Variants in NLRC5 observed in about 807,000 individuals in gnomAD.
The protein encoded by NLRC5 is protein NLRC5.
Under a neutral mutation model 206.9 loss-of-function variants are expected in NLRC5, and 114 were observed. The observed-to-expected ratio is 0.55, with a 90% CI of 0.47 to 0.64. The LOEUF (loss-of-function observed/expected upper bound fraction) is 0.64, where lower values mean the gene tolerates loss of function less well. NLRC5 is among the 30% of genes least tolerant of loss of function. The pLI, the probability that NLRC5 is intolerant of heterozygous loss-of-function variation, is 0.00. For synonymous variants in NLRC5, 952 were observed against 962.8 expected (o/e 0.99, Z 0.21); for missense variants, 2,008 against 2,305.5 (o/e 0.87, Z 2.64).
chr16:57,007,912 T>G (rs919117467), intron 1 of NLRC5, among the ~76,000 whole-genome samples: 1 of 152,242 alleles, frequency 6.6e-6, no homozygotes, highest in Non-Finnish European at 1.5e-5. Flanking sequence ...TTGTCTGTGA[T>G]GCAGATATTT....
chr16:57,025,089 T>C lies in NLRC5; in HGVS notation c.425-279T>C, dbSNP rs139188971. On this transcript the variant is annotated intron_variant, in intron 5 of 48. Coordinates refer to ENST00000688547, the MANE Select transcript of NLRC5 (RefSeq NM_001384950.1). ...CATCTTACTGAACCCTTACACCACG[T>C]GTACTATTGCAGAATGGATAGAACC... Among the ~76,000 whole-genome samples the C allele has an allele frequency of 3.8e-3, 581 of 152,282 alleles. 3 individuals carry two copies. The highest frequency in any genetic ancestry group is 0.014 in the African/African-American group (563 of 41,550).
intron 23 of NLRC5, among the ~76,000 whole-genome samples, chr16:57,049,720 C>T (rs1316697664): frequency 6.7e-6 from 1 of 150,128 alleles, no homozygotes; most frequent in African/African-American, 2.5e-5. Context: ...GGCAACAGAG[C>T]AAGACTCTGT....
intron 8 of NLRC5, among the ~76,000 whole-genome samples, chr16:57,029,512 G>A (rs2061574170): frequency 6.6e-6 from 1 of 152,178 alleles, no homozygotes; most frequent in Admixed American, 6.5e-5. Context: ...CTCATGAAGA[G>A]GCCGTCAGTC....
intron 14 of NLRC5, 137 bp downstream of exon 14, chr16:57,036,320 G>A (rs1365594012): frequency 3.9e-6 from 3 of 774,768 alleles, no homozygotes; most frequent in Non-Finnish European, 4.3e-6. Context: ...AAGTCAAGAT[G>A]GTTTGACCAT....
At chr16:57,007,089 A>C (rs971598211) in intron 1 of NLRC5, among the ~76,000 whole-genome samples, 1 of 152,272 alleles carries the variant, frequency 6.6e-6, no homozygotes, top group South Asian at 2.1e-4. Flanking sequence ...CACATTAAAA[A>C]GTTTGAATGG....
chr16:57,077,946 T>C lies in NLRC5; in HGVS notation c.5007T>C (p.Leu1669=). 6.2e-7 allele frequency: 1 copy of C among 1,613,354 alleles called. No homozygotes were observed. Among genetic ancestry groups the C allele is most frequent in the Non-Finnish European group, 8.5e-7 (1 of 1,179,632 alleles). The part of the protein sequence containing the change: ...VLCRRLEELM[L]GCNALGDPTA... ...GCTCATTCCTCTCCTCTTCCAGGCT[T>C]GGCTGCAATGCCCTGGGGGATCCCA... Residue 1669 remains leucine, a synonymous_variant, in exon 43 of 49, where the codon CTT becomes CTC. Transcript: ENST00000688547.
intron 47 of NLRC5, 136 bp downstream of exon 47, chr16:57,081,317 C>A: frequency 1.0e-6 from 1 of 962,024 alleles, no homozygotes; most frequent in South Asian, 1.6e-5. Context: ...TGTTCCAAGC[C>A]CCTGCCAGGC....
chr16:56,993,515 T>G (rs968569818), intron 1 of NLRC5, among the ~76,000 whole-genome samples: 1 of 152,232 alleles, frequency 6.6e-6, no homozygotes, highest in Non-Finnish European at 1.5e-5. Flanking sequence ...AAGGGGAATA[T>G]GCAGTTTGAA....
At position 57,029,965 on chromosome 16, in the gene NLRC5, AC is replaced by A. The variant is rs570969972; in HGVS notation, c.2328-29del. Reference sequence around the variant, plus strand: ...TGGGGCCCCTGGGGTAGGGGATTCCACTCCTGACACCTTTGCCACAATCTTG... The same window carrying A: ...TGGGGCCCCTGGGGTAGGGGATTCCATCCTGACACCTTTGCCACAATCTTG... On this transcript the variant is annotated intron_variant, in intron 9 of 48. Coordinates refer to ENST00000688547, the MANE Select transcript of NLRC5 (RefSeq NM_001384950.1). 11 of 1,613,004 alleles carry A rather than the reference AC, an allele frequency of 6.8e-6. No individual in the cohort carries two copies. In the South Asian group the frequency reaches 1.2e-4, roughly 18 times the overall value.
intron 1 of NLRC5, among the ~76,000 whole-genome samples, chr16:57,014,276 A>G (rs1463796359): frequency 6.6e-6 from 1 of 152,196 alleles, no homozygotes; most frequent in Non-Finnish European, 1.5e-5. Flanking sequence ...GTGTATTTTA[A>G]ATGAGTGTGA....
intron 1 of NLRC5, among the ~76,000 whole-genome samples, chr16:56,997,866 C>T (rs2057798231): frequency 6.6e-6 from 1 of 152,178 alleles, no homozygotes; most frequent in African/African-American, 2.4e-5. Flanking sequence ...CAGGTGTGAG[C>T]CACTATGCCC....
At chr16:57,040,248 A>C (rs1457629130) in intron 16 of NLRC5, among the ~76,000 whole-genome samples, 1 of 152,196 alleles carries the variant, frequency 6.6e-6, no homozygotes, top group African/African-American at 2.4e-5. Flanking sequence ...GCCCCAGCCT[A>C]GCGCATGGGT....
At chr16:57,024,039 G>A (rs72778395) in intron 5 of NLRC5, among the ~76,000 whole-genome samples, 186 bp downstream of exon 5, 9,750 of 152,304 alleles carry the variant, frequency 0.064, 380 homozygotes, top group African/African-American at 0.11. Context: ...GGCTGGCAGC[G>A]AAGGGGCTCC....
intron 23 of NLRC5, chr16:57,048,240 C>T (rs1172287815): frequency 2.0e-5 from 3 of 152,770 alleles, no homozygotes; most frequent in African/African-American, 4.8e-5. Context: ...ACCTAAACAA[C>T]CTCTTCTCTC....
At position 57,076,981 on chromosome 16, in the gene NLRC5, C is replaced by T. The variant is rs147921860; in HGVS notation, c.4835+79C>T. The T allele has an allele frequency of 3.0e-4, 373 of 1,245,668 alleles. 2 individuals are homozygous for T. In the African/African-American group the frequency reaches 4.1e-3, roughly 14 times the overall value. 77.2% of individuals were successfully genotyped at this position (1,245,668 alleles called of 1,614,324 possible). A position where few individuals can be genotyped will look rare whatever the true frequency, so the allele number is the denominator to read the frequency against. ...ACAAGGGCAAGGGGCTACCTGAGCA[C>T]GCCCTTTGCTTCTTCATCTCATCTC... On this transcript the variant is annotated intron_variant, in intron 40 of 48. Coordinates refer to ENST00000688547, the MANE Select transcript of NLRC5 (RefSeq NM_001384950.1).
At position 57,026,572 on chromosome 16, in the gene NLRC5, C is replaced by T. The variant is rs2061291953; in HGVS notation, c.1629C>T (p.Leu543=). 3 of 1,614,228 alleles carry T rather than the reference C, an allele frequency of 1.9e-6. No homozygotes were observed. Among genetic ancestry groups the T allele is most frequent in the Non-Finnish European group, 2.5e-6 (3 of 1,180,040 alleles). ...ACACACTTACCCAGTATGTTACCCT[C>T]CATTCCCGCTGGGTACAGCGGACCA... ...NKDTLTQYVT[L]HSRWVQRTKA... Residue 543 remains leucine (L), a synonymous_variant, in exon 6 of 49, where the codon CTC becomes CTT. Coordinates refer to ENST00000688547, the MANE Select transcript of NLRC5 (RefSeq NM_001384950.1).
At chr16:57,062,138 CTATTTT>C in intron 32 of NLRC5, 3 of 914,466 alleles carry the variant, frequency 3.3e-6, no homozygotes, top group African/African-American at 1.7e-5. Flanking sequence ...ATATTTGCTT[CTATTTT>C]TATTTTTATT....
chr16:56,997,749 T>C (rs1157284515), intron 1 of NLRC5, among the ~76,000 whole-genome samples: 2 of 151,822 alleles, frequency 1.3e-5, no homozygotes, highest in African/African-American at 4.8e-5. Flanking sequence ...CCTGGCTAAT[T>C]TTTGTACTTT....
At position 57,076,477 on chromosome 16, in the gene NLRC5, G is replaced by T. The variant is rs918534455; in HGVS notation, c.4752-342G>T. Among the ~76,000 whole-genome samples, 19 of 152,346 alleles carry T rather than the reference G, an allele frequency of 1.2e-4. 1 individual carries two copies. In the South Asian group the frequency reaches 3.3e-3, roughly 27 times the overall value. On this transcript the variant is annotated intron_variant, in intron 39 of 48. Transcript: ENST00000688547. ...AAGTGGCATTCAGCCGGGCCAGCCC[G>T]GAGATCCCTGACACAGAGGCTGAGG... is the stretch of plus-strand genomic sequence containing the variant.
Sources: allele counts gnomAD v4.1 joint callset (sites outside exome capture counted in the v4.1 genomes callset), GRCh38; gene constraint gnomAD v4.1.1; transcripts MANE v1.5; gene names NCBI Gene and HGNC (gene_info 2026-07-23, HGNC 2026-07-21).